TRHDE: variants seen among roughly 807,000 people sequenced by gnomAD.
TRHDE encodes thyrotropin releasing hormone degrading enzyme.
A neutral mutation model predicts 125.7 loss-of-function variants in TRHDE; 72 were observed. The ratio of observed to expected loss-of-function variants is 0.57; its 90% CI spans 0.47 to 0.70. The LOEUF (loss-of-function observed/expected upper bound fraction) is 0.70. Ranked by LOEUF, TRHDE falls within the 30% of genes least tolerant of loss-of-function variation. The pLI is 0.00. For missense variants in TRHDE, 1,110 were observed against 1,327.1 expected, an observed-to-expected ratio of 0.84 and a Z score of 2.54; for synonymous variants, 509 against 509.1, an observed-to-expected ratio of 1.00 and a Z score of 0.00.
chr12:72,117,201 A>G (rs1875465207), intron 2 of TRHDE, among the ~76,000 whole-genome samples: 1 of 151,998 alleles, frequency 6.6e-6, no homozygotes, highest in South Asian at 2.1e-4. Flanking sequence ...TAGTAGTTTT[A>G]TAGTTTTAGG....
At position 72,273,537 on chromosome 12, in the gene TRHDE, T is replaced by G; in HGVS notation, c.894T>G (p.Tyr298Ter). The G allele has an allele frequency of 6.2e-7, 1 of 1,601,448 alleles. No homozygotes were observed. The highest frequency in any genetic ancestry group is 8.5e-7 in the Non-Finnish European group (1 of 1,178,340). Reference sequence around the variant, plus strand: ...TCCTGGGCTTCTTCCGCAGCTCCTATGTGCTCCACGGGGAGAGAAGGTATG... The same window carrying G: ...TCCTGGGCTTCTTCCGCAGCTCCTAGGTGCTCCACGGGGAGAGAAGGTATG... ...NELLGFFRSS[Y>*]VLHGERRFLG... The change falls in exon 1 of 19, where the codon TAT becomes TAG. Residue 298 changes from tyrosine to a stop codon, truncating the protein, a stop_gained. Coordinates refer to ENST00000261180, the MANE Select transcript of TRHDE (RefSeq NM_013381.3). LOFTEE classifies it high-confidence loss of function. The surrounding 1 kb of genome is among the most constrained non-coding windows in gnomAD (Gnocchi z 5.3).
chr12:72,594,558 A>G (rs548699298), intron 12 of TRHDE, among the ~76,000 whole-genome samples: 1 of 150,832 alleles, frequency 6.6e-6, no homozygotes, highest in Non-Finnish European at 1.5e-5. Flanking sequence ...AATTACTCAT[A>G]TAATCCCATT....
At chr12:72,245,716 AAGG>A (rs1878563337) in intron 2 of TRHDE, among the ~76,000 whole-genome samples, 1 of 152,124 alleles carries the variant, frequency 6.6e-6, no homozygotes, top group South Asian at 2.1e-4. Flanking sequence ...AAAGACAATT[AAGG>A]AGTTTATATG....
intron 6 of TRHDE, among the ~76,000 whole-genome samples, chr12:72,529,015 C>T (rs1213087335): frequency 6.6e-6 from 1 of 151,688 alleles, no homozygotes; most frequent in Non-Finnish European, 1.5e-5. Context: ...TAAAAGTTAC[C>T]TCGAGTGTCT....
At chr12:72,599,158 T>A (rs537429862) in intron 12 of TRHDE, among the ~76,000 whole-genome samples, 13 of 152,248 alleles carry the variant, frequency 8.5e-5, no homozygotes, top group Middle Eastern at 3.4e-3. Context: ...TCTATGTCTT[T>A]GCTATTGTGA....
At chr12:72,288,006 C>T (rs1879955126) in intron 2 of TRHDE, among the ~76,000 whole-genome samples, 1 of 149,990 alleles carries the variant, frequency 6.7e-6, no homozygotes, top group South Asian at 2.1e-4. Context: ...GGTTAAGTAA[C>T]TTGTCCAGGG....
At chr12:72,537,809 A>C (rs1325963881) in intron 6 of TRHDE, among the ~76,000 whole-genome samples, 1 of 152,074 alleles carries the variant, frequency 6.6e-6, no homozygotes. Flanking sequence ...TGCCAGGAAC[A>C]GTTTTTGGCA....
At chr12:72,392,887 C>T (rs1872660938) in intron 3 of TRHDE, among the ~76,000 whole-genome samples, 1 of 152,004 alleles carries the variant, frequency 6.6e-6, no homozygotes, top group South Asian at 2.1e-4. Context: ...TTAAGGGCAT[C>T]CATTTGCTTA....
At chr12:72,493,931 CCATTTTTA>C (rs1213447425) in intron 5 of TRHDE, among the ~76,000 whole-genome samples, 1 of 152,004 alleles carries the variant, frequency 6.6e-6, no homozygotes, top group Admixed American at 6.6e-5. Context: ...GAACCTACTT[CCATTTTTA>C]CATGTAGCAA....
chr12:72,440,426 A>G (rs1874949324), intron 3 of TRHDE, among the ~76,000 whole-genome samples: 1 of 151,954 alleles, frequency 6.6e-6, no homozygotes. Context: ...ATTTTCACAT[A>G]CATATTTTTA....
chr12:72,534,190 A>G (rs1249141757), intron 6 of TRHDE, among the ~76,000 whole-genome samples: 1 of 152,208 alleles, frequency 6.6e-6, no homozygotes, highest in South Asian at 2.1e-4. Flanking sequence ...ATCTAGTTAA[A>G]GGAGATTAAT....
chr12:72,543,287 A>T (rs182003758), intron 7 of TRHDE, among the ~76,000 whole-genome samples: 1 of 151,524 alleles, frequency 6.6e-6, no homozygotes, highest in East Asian at 1.9e-4. Flanking sequence ...GTTATGACAA[A>T]CTCTCTCTCT....
intron 1 of TRHDE, among the ~76,000 whole-genome samples, chr12:72,088,076 G>C (rs1874709772): frequency 6.6e-6 from 1 of 152,060 alleles, no homozygotes. Flanking sequence ...TTATTTGAGG[G>C]ACAAGGAAAT....
At chr12:72,657,744 GA>G (rs1874762497) in intron 18 of TRHDE, among the ~76,000 whole-genome samples, 6 of 152,124 alleles carry the variant, frequency 3.9e-5, no homozygotes, top group Non-Finnish European at 8.8e-5. Flanking sequence ...CTAATATAGA[GA>G]GATGAGAAAT....
At chr12:72,220,856 T>A (rs1877985823) in intron 2 of TRHDE, among the ~76,000 whole-genome samples, 1 of 152,140 alleles carries the variant, frequency 6.6e-6, no homozygotes, top group Non-Finnish European at 1.5e-5. Flanking sequence ...GTGGGTTTTT[T>A]TGTTGCCTTT....
At chr12:72,513,171 G>T (rs747752840) in intron 6 of TRHDE, among the ~76,000 whole-genome samples, 2 of 151,908 alleles carry the variant, frequency 1.3e-5, no homozygotes, top group Admixed American at 6.6e-5. Context: ...TTTCCTTTTC[G>T]TGTGGACCTA....
chr12:72,557,959 T>TCACA (rs111497878), intron 7 of TRHDE, among the ~76,000 whole-genome samples: 1 of 148,716 alleles, frequency 6.7e-6, no homozygotes, highest in Non-Finnish European at 1.5e-5. Context: ...GAAAGACAAA[T>TCACA]CACACACACA....
chr12:72,661,143 T>C (rs1461571030), intron 18 of TRHDE, among the ~76,000 whole-genome samples: 1 of 152,154 alleles, frequency 6.6e-6, no homozygotes, highest in Non-Finnish European at 1.5e-5. Context: ...GAAGTGAATC[T>C]CTAGAGACCC....
intron 5 of TRHDE, among the ~76,000 whole-genome samples, chr12:72,494,251 C>A (rs1371883118): frequency 6.6e-6 from 1 of 151,884 alleles, no homozygotes; most frequent in African/African-American, 2.4e-5. Context: ...CCTAGGAATA[C>A]CATAAAAGCC....
Sources: allele counts gnomAD v4.1 joint callset (sites outside exome capture counted in the v4.1 genomes callset), GRCh38; gene constraint gnomAD v4.1.1; non-coding constraint Gnocchi (gnomAD v3.1); transcripts MANE v1.5; gene names NCBI Gene and HGNC (gene_info 2026-07-23, HGNC 2026-07-21).